IL23R: variants seen among roughly 807,000 people sequenced by gnomAD.
IL23R encodes interleukin 23 receptor, also known as interleukin-23 receptor.
A neutral mutation model predicts 56.9 loss-of-function variants in IL23R; 34 were observed. The observed-to-expected ratio is 0.60, with a 90% confidence interval of 0.45 to 0.80. The LOEUF (loss-of-function observed/expected upper bound fraction) is 0.80, where lower values mean the gene tolerates loss of function less well. Among genes scored for constraint, IL23R ranks in the 30% least tolerant of loss-of-function variants. The pLI is 0.00. For missense variants in IL23R, 635 were observed against 730.0 expected (o/e 0.87, Z 1.50); for synonymous variants, 230 against 249.2 (o/e 0.92, Z 0.73).
intron 3 of IL23R, among the ~76,000 whole-genome samples, chr1:67,170,682 A>G (rs1450182934): frequency 1.3e-5 from 2 of 152,176 alleles, no homozygotes; most frequent in African/African-American, 4.8e-5. Flanking sequence ...TCAGTAAAAA[A>G]ATAAAGGAAT....
chr1:67,258,161 TTAAGTAA>T (rs1653053009), intron 10 of IL23R, among the ~76,000 whole-genome samples: 1 of 152,164 alleles, frequency 6.6e-6, no homozygotes, highest in Admixed American at 6.5e-5. Flanking sequence ...GGCCCTAAAA[TTAAGTAA>T]TAAGTAATAA....
chr1:67,172,419 G>A lies in IL23R; in HGVS notation c.367+2781G>A, dbSNP rs574011158. 3.3e-5 allele frequency among the ~76,000 whole-genome samples: 5 copies of A among 152,244 alleles called. No homozygotes were observed. The South Asian group carries it at 6.2e-4, about 19-fold the overall frequency. On this transcript the variant is annotated intron_variant, in intron 3 of 10. Transcript: ENST00000347310. Reference sequence around the variant, plus strand: ...ATATTTTAAAGTGCTGTGCTTTAATGTATAATTTGTGAAATATAAACCATA... The same window carrying A: ...ATATTTTAAAGTGCTGTGCTTTAATATATAATTTGTGAAATATAAACCATA...
At chr1:67,263,777 G>A (rs550037925), downstream of IL23R, among the ~76,000 whole-genome samples, 3 of 151,950 alleles carry the variant, frequency 2.0e-5, no homozygotes, top group East Asian at 3.9e-4. Context: ...TGGGCATGGC[G>A]GTGCCTAACC....
chr1:67,226,454 A>G (rs1482703672), intron 7 of IL23R, among the ~76,000 whole-genome samples: 1 of 152,084 alleles, frequency 6.6e-6, no homozygotes, highest in East Asian at 1.9e-4. Flanking sequence ...CCAGCGGCCG[A>G]TCTCCTCTCT....
In IL23R at chr1:67,213,569, TATC is replaced by T. The variant is rs200157575; in HGVS notation, c.799-6002_799-6000del. Among the ~76,000 whole-genome samples, 7 of 152,310 alleles carry T rather than the reference TATC, an allele frequency of 4.6e-5. No individual in the cohort carries two copies. The East Asian group carries it at 1.4e-3, about 29-fold the overall frequency. On this transcript the variant is annotated intron_variant, in intron 6 of 10. Coordinates refer to ENST00000347310, the MANE Select transcript of IL23R (RefSeq NM_144701.3). ...ATATATGATGGTGGTCCCATAAACT[TATC>T]ATGCAGCTGAAAAATTTCTGTCACC... is the stretch of plus-strand genomic sequence containing the variant.
chr1:67,222,102 CTTTTTTTTTTTTTT>C (rs72241835), intron 7 of IL23R, among the ~76,000 whole-genome samples: 60 of 58,902 alleles, frequency 1.0e-3, no homozygotes, highest in Admixed American at 4.7e-3. Context: ...TTCTTTCTTT[CTTTTTTTTTTTTTT>C]TTTTTTTTTT....
chr1:67,214,721 A>G (rs1271746302), intron 6 of IL23R, among the ~76,000 whole-genome samples: 2 of 151,974 alleles, frequency 1.3e-5, no homozygotes, highest in Non-Finnish European at 2.9e-5. Context: ...GGATTGGTAT[A>G]TCGGCTATCT....
chr1:67,205,361 GTT>G (rs1231317553), intron 5 of IL23R, among the ~76,000 whole-genome samples: 1 of 152,154 alleles, frequency 6.6e-6, no homozygotes, highest in Non-Finnish European at 1.5e-5. Flanking sequence ...CTTAAAGAAA[GTT>G]TTATAAACCT....
At chr1:67,146,606 ATCTTTT>A (rs1558214815) in intron 1 of IL23R, among the ~76,000 whole-genome samples, 1 of 152,168 alleles carries the variant, frequency 6.6e-6, no homozygotes, top group African/African-American at 2.4e-5. Context: ...CTGGCCCATT[ATCTTTT>A]AGGCATGCTT....
intron 1 of IL23R, among the ~76,000 whole-genome samples, chr1:67,140,140 C>T (rs1203231357): frequency 6.6e-6 from 1 of 152,080 alleles, no homozygotes; most frequent in Admixed American, 6.6e-5. Context: ...TTATAAATTC[C>T]CCATTTTCAG....
At chr1:67,154,608 A>G (rs1335369108) in intron 1 of IL23R, among the ~76,000 whole-genome samples, 2 of 151,706 alleles carry the variant, frequency 1.3e-5, no homozygotes, top group Non-Finnish European at 2.9e-5. Flanking sequence ...TTATTTTATT[A>G]TTTATTTTTT....
intron 4 of IL23R, among the ~76,000 whole-genome samples, chr1:67,189,889 T>C (rs1570812940): frequency 6.6e-6 from 1 of 152,056 alleles, no homozygotes. Flanking sequence ...GAGGTTGCAG[T>C]GAGCCACTGT....
chr1:67,191,167 T>A (rs1647713005), intron 4 of IL23R, among the ~76,000 whole-genome samples: 1 of 152,202 alleles, frequency 6.6e-6, no homozygotes, highest in African/African-American at 2.4e-5. Context: ...ACTAGCCAAG[T>A]CACTGTCTTG....
In IL23R at chr1:67,222,102, C is replaced by CTTTTTT. The variant is rs72241835; in HGVS notation, c.955+2395_955+2400dup. ...TCCTTTTCTCTTTCTTTCTTTCTTT[C>CTTTTTT]TTTTTTTTTTTTTTTTTTTTTTTTT... On this transcript the variant is annotated intron_variant, in intron 7 of 10. Coordinates refer to ENST00000347310, the MANE Select transcript of IL23R (RefSeq NM_144701.3). 1.3e-3 allele frequency among the ~76,000 whole-genome samples: 78 copies of CTTTTTT among 58,886 alleles called. 2 individuals carry two copies. Among genetic ancestry groups the CTTTTTT allele is most frequent in the African/African-American group, 2.0e-3 (32 of 15,900 alleles). 38.6% of individuals were successfully genotyped at this position (58,886 alleles called of 152,430 possible).
At chr1:67,146,283 G>A (rs1323246340) in intron 1 of IL23R, among the ~76,000 whole-genome samples, 1 of 152,060 alleles carries the variant, frequency 6.6e-6, no homozygotes, top group Admixed American at 6.6e-5. Context: ...TAAAGTCTTT[G>A]CCACTGCCAC....
intron 1 of IL23R, among the ~76,000 whole-genome samples, chr1:67,143,259 T>C (rs1646654206): frequency 6.6e-6 from 1 of 152,212 alleles, no homozygotes; most frequent in South Asian, 2.1e-4. Context: ...GGGGAGGATT[T>C]TTGCTTTGAA....
At chr1:67,212,708 T>C (rs1378979729) in intron 6 of IL23R, among the ~76,000 whole-genome samples, 1 of 152,048 alleles carries the variant, frequency 6.6e-6, no homozygotes, top group Non-Finnish European at 1.5e-5. Context: ...CATGCCCAGC[T>C]AAATTTTAAA....
rs1339067411 is a variant in IL23R, at chr1:67,236,765, A to G, written c.1008A>G (p.Leu336=). ...AFQHDTWNSG[L]TVASISTGHL... ...AACATGACACATGGAATTCTGGGCTAACAGTTGCTTCCATCTCTACAGGGC... is the reference window on the plus strand; with the variant it reads ...AACATGACACATGGAATTCTGGGCTGACAGTTGCTTCCATCTCTACAGGGC... The change falls in exon 8 of 11, where the codon CTA becomes CTG. Residue 336 remains leucine, a synonymous_variant. Coordinates refer to ENST00000347310, the MANE Select transcript of IL23R (RefSeq NM_144701.3). The G allele has an allele frequency of 2.5e-6, 4 of 1,613,722 alleles. No homozygotes were observed. Among genetic ancestry groups the G allele is most frequent in the Non-Finnish European group, 3.4e-6 (4 of 1,179,610 alleles).
intron 3 of IL23R, among the ~76,000 whole-genome samples, chr1:67,172,211 C>T (rs1292303124): frequency 6.6e-6 from 1 of 152,136 alleles, no homozygotes; most frequent in African/African-American, 2.4e-5. Context: ...TTGTGGCATT[C>T]TAGAAATCAC....
Sources: allele counts gnomAD v4.1 joint callset (sites outside exome capture counted in the v4.1 genomes callset), GRCh38; gene constraint gnomAD v4.1.1; transcripts MANE v1.5; gene names NCBI Gene and HGNC (gene_info 2026-07-23, HGNC 2026-07-21).